UST: variants seen among roughly 807,000 people sequenced by gnomAD.
UST encodes chondroitin sulfate 2-O-sulfotransferase.
UST carries 21 observed loss-of-function variants against 45.6 expected under a neutral mutation model. That is an observed-to-expected ratio of 0.46 (90% confidence interval 0.33 to 0.66). The LOEUF is 0.66. Ranked by LOEUF, UST falls within the 30% of genes least tolerant of loss-of-function variation. The pLI, the probability that UST is intolerant of heterozygous loss-of-function variation, is 0.02. For missense variants in UST, 463 were observed against 512.4 expected (o/e 0.90, Z 0.93); for synonymous variants, 215 against 200.6 (o/e 1.07, Z -0.61).
intron 7 of UST, among the ~76,000 whole-genome samples, chr6:149,039,304 G>A (rs1185191833): frequency 3.3e-5 from 5 of 152,070 alleles, no homozygotes; most frequent in African/African-American, 9.7e-5. Flanking sequence ...TTGACTCACC[G>A]CAACCTTCGC....
rs146151235 is a variant in UST, at chr6:148,909,505, C to G, written c.291+22476C>G. ...TTTCCCATCTTACTCTAAAAAGACT[C>G]TACTTGTATTCCAATTGCAGGCACC... On this transcript the variant is annotated intron_variant, in intron 2 of 7. Transcript: ENST00000367463. Among the ~76,000 whole-genome samples, 900 of 152,330 alleles carry G rather than the reference C, an allele frequency of 5.9e-3. 9 individuals carry two copies. Among genetic ancestry groups the G allele is most frequent in the African/African-American group, 0.02 (843 of 41,568 alleles).
chr6:148,870,379 G>C (rs1778527154), intron 1 of UST, among the ~76,000 whole-genome samples: 1 of 152,190 alleles, frequency 6.6e-6, no homozygotes. Flanking sequence ...GCTCATTTCA[G>C]ATGTGCCCCA....
Position 148,747,559 on chromosome 6 carries a change from C to T in UST, c.129C>T (p.Phe43=). 6.3e-7 allele frequency: 1 copy of T among 1,575,732 alleles called. No homozygotes were observed. Among genetic ancestry groups the T allele is most frequent in the Non-Finnish European group, 8.6e-7 (1 of 1,162,688 alleles). Residue 43 remains phenylalanine (F), a synonymous_variant, in exon 1 of 8, where the codon TTC becomes TTT. Coordinates refer to ENST00000367463, the MANE Select transcript of UST (RefSeq NM_005715.3). Reference sequence around the variant, plus strand: ...TGCCCCTGCTGCCTTTCCTGCGCTTCTCCCTCCGGGACTACGGCTTCTGCA... The same window carrying T: ...TGCCCCTGCTGCCTTTCCTGCGCTTTTCCCTCCGGGACTACGGCTTCTGCA... ...RRVPLLPFLR[F]SLRDYGFCMA...
chr6:148,759,187 G>T (rs988895672), intron 1 of UST, among the ~76,000 whole-genome samples: 4 of 152,106 alleles, frequency 2.6e-5, no homozygotes, highest in Non-Finnish European at 4.4e-5. Flanking sequence ...TGTCCCTATG[G>T]GAATACATCT....
chr6:149,019,287 G>A (rs1339198845), intron 6 of UST, 51 bp downstream of exon 6: 1 of 1,392,300 alleles, frequency 7.2e-7, no homozygotes, highest in Admixed American at 1.7e-5. Flanking sequence ...ACAAGGGCAA[G>A]AACCCCACCA....
chr6:148,828,935 T>A (rs1352462933), intron 1 of UST, among the ~76,000 whole-genome samples: 8 of 152,170 alleles, frequency 5.3e-5, no homozygotes, highest in African/African-American at 1.7e-4. Flanking sequence ...GAAAACAGAT[T>A]TGCCTCTTCC....
At chr6:149,015,041 G>A (rs2486415) in intron 5 of UST, among the ~76,000 whole-genome samples, 139,544 of 151,916 alleles carry the variant, frequency 0.92, 64,486 homozygotes, top group Non-Finnish European at 0.95. Context: ...GGGTGTGGGA[G>A]TAAGGGTGAG....
chr6:148,796,623 C>A (rs71549103), intron 1 of UST, among the ~76,000 whole-genome samples: 24,424 of 88,442 alleles, frequency 0.28, 4,292 homozygotes, highest in African/African-American at 0.52. Flanking sequence ...GACTCTGTCT[C>A]AAAAAAAAAA....
At chr6:149,025,894 A>G (rs538248265) in intron 7 of UST, among the ~76,000 whole-genome samples, 1 of 152,210 alleles carries the variant, frequency 6.6e-6, no homozygotes, top group South Asian at 2.1e-4. Context: ...CACACCTGTA[A>G]TCCCAGCACT....
At chr6:148,782,894 C>A (rs1776670678) in intron 1 of UST, among the ~76,000 whole-genome samples, 1 of 152,232 alleles carries the variant, frequency 6.6e-6, no homozygotes, top group African/African-American at 2.4e-5. Context: ...AGCTGCAGAG[C>A]TTGAGAGGAT....
At chr6:148,844,664 A>AT (rs1173855300) in intron 1 of UST, among the ~76,000 whole-genome samples, 1 of 151,568 alleles carries the variant, frequency 6.6e-6, no homozygotes, top group Non-Finnish European at 1.5e-5. Context: ...ATTTTATTTT[A>AT]TTTTTTCCTG....
At chr6:149,034,961 T>C (rs1489248218) in intron 7 of UST, among the ~76,000 whole-genome samples, 1 of 151,558 alleles carries the variant, frequency 6.6e-6, no homozygotes, top group African/African-American at 2.4e-5. Context: ...GTGCTAAATA[T>C]TTAGTGGATA....
chr6:148,792,972 A>G (rs1456491103), intron 1 of UST, among the ~76,000 whole-genome samples: 1 of 152,210 alleles, frequency 6.6e-6, no homozygotes, highest in African/African-American at 2.4e-5. Context: ...TGCAATAATG[A>G]TTAATTATAA....
chr6:148,897,883 C>T (rs188730049), intron 2 of UST, among the ~76,000 whole-genome samples: 3 of 152,302 alleles, frequency 2.0e-5, no homozygotes, highest in African/African-American at 4.8e-5. Flanking sequence ...TAGGTATCCC[C>T]GCTTTGATGC....
chr6:148,851,897 G>C (rs2242299), intron 1 of UST, among the ~76,000 whole-genome samples: 28,256 of 152,214 alleles, frequency 0.19, 2,760 homozygotes, highest in East Asian at 0.31. Flanking sequence ...GCATGTTTAC[G>C]GTGGCTGCCA....
At chr6:148,753,382 T>C (rs565294808) in intron 1 of UST, among the ~76,000 whole-genome samples, 10 of 152,052 alleles carry the variant, frequency 6.6e-5, no homozygotes, top group African/African-American at 2.4e-4. Context: ...TAGAATAATA[T>C]AATATGTGGT....
chr6:149,042,999 CTT>C (rs1239753409), intron 7 of UST, among the ~76,000 whole-genome samples: 2 of 117,612 alleles, frequency 1.7e-5, no homozygotes, highest in African/African-American at 8.0e-5. Context: ...TTCTTTCTTT[CTT>C]TCTTTCTTTC....
intron 1 of UST, among the ~76,000 whole-genome samples, chr6:148,794,917 G>A (rs1197510611): frequency 6.6e-6 from 1 of 152,194 alleles, no homozygotes; most frequent in East Asian, 1.9e-4. Flanking sequence ...CACTGGCTAA[G>A]AACACAGGTC....
intron 2 of UST, among the ~76,000 whole-genome samples, chr6:148,894,813 G>GGTTT (rs1562292274): frequency 1.0e-5 from 1 of 96,364 alleles, no homozygotes; most frequent in Non-Finnish European, 1.9e-5. Context: ...TAATTTCAGT[G>GGTTT]CTTTTTTTTT....
Sources: gnomAD v4.1 joint callset for allele counts (sites outside exome capture counted in the v4.1 genomes callset) on GRCh38, gnomAD v4.1.1 for gene constraint, MANE v1.5 for transcripts, NCBI Gene and HGNC (gene_info 2026-07-23, HGNC 2026-07-21) for gene names.